Variants in CRADD observed in about 807,000 individuals in gnomAD.
The protein encoded by CRADD is death domain-containing protein CRADD.
CRADD carries 9 observed loss-of-function variants against 15.5 expected under a neutral mutation model. The ratio of observed to expected loss-of-function variants is 0.58; its 90% CI spans 0.35 to 1.01. The LOEUF (loss-of-function observed/expected upper bound fraction) is 1.01, where lower values mean the gene tolerates loss of function less well. Among genes scored for constraint, CRADD ranks in the 50% least tolerant of loss-of-function variants. CRADD has a pLI of 0.02. For missense variants in CRADD, 227 were observed against 250.3 expected, an observed-to-expected ratio of 0.91 and a Z score of 0.63; for synonymous variants, 118 against 107.6, an observed-to-expected ratio of 1.10 and a Z score of -0.60.
rs12300878 is a variant in CRADD, at chr12:93,732,401, G to C, written c.298+53329G>C. 7.6e-3 allele frequency among the ~76,000 whole-genome samples: 1,155 copies of C among 152,280 alleles called. 21 individuals carry two copies. Among genetic ancestry groups the C allele is most frequent in the African/African-American group, 0.027 (1,117 of 41,560 alleles). On this transcript the variant is annotated intron_variant, in intron 2 of 2. Transcript: ENST00000332896. ...AATGTAAAAGGAAAACACTTGTATT[G>C]AAAACACTGGTTGCAGATCGTTCTA... is the stretch of plus-strand genomic sequence containing the variant.
chr12:93,850,002 C>A lies in CRADD; in HGVS notation c.331C>A (p.Leu111Ile). 6.2e-7 allele frequency: 1 copy of A among 1,610,950 alleles called. No individual in the cohort carries two copies. The highest frequency in any genetic ancestry group is 8.5e-7 in the Non-Finnish European group (1 of 1,177,054). ...DRLTGIPSHI[L>I]NSSPSDRQIN... ...ATTGACTGGGATCCCCTCGCACATC[C>A]TCAACAGCTCCCCATCAGACCGGCA... The change falls in exon 3 of 3, where the codon CTC (leucine) becomes ATC (isoleucine). Residue 111 changes from leucine to isoleucine, a missense_variant. Transcript: ENST00000332896. This position sits in a 1 kb window ranked among gnomAD's most constrained non-coding sequence, Gnocchi z 4.0.
intron 2 of CRADD, chr12:93,859,263 G>T: frequency 2.2e-6 from 1 of 450,730 alleles, no homozygotes. Context: ...TTTTTAAAAA[G>T]CTATAATCAA....
chr12:93,731,926 C>T, intron 2 of CRADD, among the ~76,000 whole-genome samples: 1 of 152,176 alleles, frequency 6.6e-6, no homozygotes, highest in Middle Eastern at 3.4e-3. Context: ...CACCTGAGGT[C>T]GGGAGTTCGA....
chr12:93,695,827 C>T (rs562671597), intron 2 of CRADD, among the ~76,000 whole-genome samples: 17 of 152,172 alleles, frequency 1.1e-4, no homozygotes, highest in Admixed American at 7.9e-4. Flanking sequence ...AACCAGGAGG[C>T]GGAAGTTGCA....
At chr12:93,703,196 G>A (rs1955873892) in intron 2 of CRADD, among the ~76,000 whole-genome samples, 1 of 151,828 alleles carries the variant, frequency 6.6e-6, no homozygotes, top group African/African-American at 2.4e-5. Flanking sequence ...AAGAAAGTAG[G>A]TGCCATTAGG....
At chr12:93,770,258 G>T (rs1592975303) in intron 2 of CRADD, among the ~76,000 whole-genome samples, 1 of 151,848 alleles carries the variant, frequency 6.6e-6, no homozygotes, top group East Asian at 1.9e-4. Context: ...ATCACGCCCG[G>T]CTAATTTTTT....
At chr12:93,819,636 A>G (rs1957746783) in intron 2 of CRADD, among the ~76,000 whole-genome samples, 1 of 152,262 alleles carries the variant, frequency 6.6e-6, no homozygotes, top group Non-Finnish European at 1.5e-5. Context: ...CAATTGTGAG[A>G]GGTAAGCAGG....
intron 2 of CRADD, among the ~76,000 whole-genome samples, chr12:93,861,335 G>C (rs1958317901): frequency 6.6e-6 from 1 of 152,256 alleles, no homozygotes; most frequent in South Asian, 2.1e-4. Context: ...CCAGTGAGGA[G>C]CTGTTGCACT....
At chr12:93,692,761 A>G (rs1955603992) in intron 2 of CRADD, among the ~76,000 whole-genome samples, 1 of 152,226 alleles carries the variant, frequency 6.6e-6, no homozygotes, top group African/African-American at 2.4e-5. Flanking sequence ...AAGGTTAATA[A>G]TAACATGGAA....
intron 2 of CRADD, among the ~76,000 whole-genome samples, chr12:93,789,401 A>G (rs1247712736): frequency 6.6e-6 from 1 of 152,178 alleles, no homozygotes; most frequent in Non-Finnish European, 1.5e-5. Context: ...ACAGTATTCG[A>G]CTTCCAGTAT....
At chr12:93,741,215 T>A (rs1432142576) in intron 2 of CRADD, among the ~76,000 whole-genome samples, 1 of 152,254 alleles carries the variant, frequency 6.6e-6, no homozygotes, top group African/African-American at 2.4e-5. Flanking sequence ...CTGACTGCAT[T>A]GCTTTAAGAT....
At chr12:93,798,207 A>T (rs1347984998) in intron 2 of CRADD, among the ~76,000 whole-genome samples, 1 of 152,196 alleles carries the variant, frequency 6.6e-6, no homozygotes, top group Non-Finnish European at 1.5e-5. Context: ...CCAGGAAATG[A>T]TACCTTTCTT....
intron 2 of CRADD, among the ~76,000 whole-genome samples, chr12:93,700,216 T>C (rs1000071287): frequency 3.3e-5 from 5 of 152,204 alleles, no homozygotes; most frequent in Non-Finnish European, 5.9e-5. Context: ...GTCAATGTCA[T>C]GGTTTTCTGA....
intron 2 of CRADD, among the ~76,000 whole-genome samples, chr12:93,814,269 C>T (rs1472063339): frequency 1.3e-5 from 2 of 152,240 alleles, no homozygotes; most frequent in African/African-American, 4.8e-5. Context: ...AGCGAATCCT[C>T]CAAGGAACTG....
intron 2 of CRADD, among the ~76,000 whole-genome samples, chr12:93,770,096 C>CTTTTT (rs34791279): frequency 1.5e-5 from 2 of 129,986 alleles, no homozygotes; most frequent in Non-Finnish European, 3.2e-5. Context: ...CCTATGTTAT[C>CTTTTT]TTTTTTTTTT....
intron 1 of CRADD, 137 bp downstream of exon 1, chr12:93,677,609 GCCGGAGGCCCGCTCT>G (rs1955189125): frequency 6.6e-6 from 1 of 152,292 alleles, no homozygotes; most frequent in Non-Finnish European, 1.5e-5. Flanking sequence ...CTGCGGCAGT[GCCGGAGGCCCGCTCT>G]CCCCTTGGTC....
intron 2 of CRADD, among the ~76,000 whole-genome samples, chr12:93,788,717 A>G (rs1298412481): frequency 6.6e-6 from 1 of 152,154 alleles, no homozygotes; most frequent in Non-Finnish European, 1.5e-5. Context: ...GGATCAAAAG[A>G]CAAACTTTCC....
At chr12:93,871,053 A>T (rs939914672) in intron 2 of CRADD, among the ~76,000 whole-genome samples, 5 of 152,216 alleles carry the variant, frequency 3.3e-5, no homozygotes. Context: ...AAAGCAAACA[A>T]GTCAGAAATT....
chr12:93,801,599 A>C (rs771971360), intron 2 of CRADD, among the ~76,000 whole-genome samples: 1 of 152,164 alleles, frequency 6.6e-6, no homozygotes, highest in African/African-American at 2.4e-5. Context: ...GAGTTTCACT[A>C]TGTTGGCCAG....
Sources: gnomAD v4.1 joint callset for allele counts (sites outside exome capture counted in the v4.1 genomes callset) on GRCh38, gnomAD v4.1.1 for gene constraint, Gnocchi (gnomAD v3.1) non-coding constraint, MANE v1.5 for transcripts, NCBI Gene and HGNC (gene_info 2026-07-23, HGNC 2026-07-21) for gene names.